Variants in GPC5 observed in about 807,000 individuals in gnomAD.
The protein encoded by GPC5 is glypican-5.
GPC5 carries 47 observed loss-of-function variants against 53.9 expected under a neutral mutation model. That is an observed-to-expected ratio of 0.87 (90% CI 0.69 to 1.11). The LOEUF is 1.11. Ranked by LOEUF, GPC5 falls within the 50% of genes most tolerant of loss-of-function variation. The pLI is 0.00. For synonymous variants in GPC5, 286 were observed against 263.3 expected (o/e 1.09, Z -0.84); for missense variants, 748 against 713.1 (o/e 1.05, Z -0.56).
At chr13:91,431,890 C>T (rs1039694382) in intron 1 of GPC5, among the ~76,000 whole-genome samples, 3 of 152,168 alleles carry the variant, frequency 2.0e-5, no homozygotes, top group Non-Finnish European at 4.4e-5. Context: ...ACTTCATTAC[C>T]AGCAAGGTCT....
At chr13:92,399,104 C>T (rs1019463026) in intron 7 of GPC5, among the ~76,000 whole-genome samples, 9 of 152,218 alleles carry the variant, frequency 5.9e-5, no homozygotes, top group African/African-American at 2.2e-4. Flanking sequence ...TACCCATTCA[C>T]ATTCAATATG....
intron 7 of GPC5, among the ~76,000 whole-genome samples, chr13:92,190,153 C>G (rs2042213368): frequency 6.6e-6 from 1 of 151,962 alleles, no homozygotes; most frequent in South Asian, 2.1e-4. Context: ...AGAAACCATG[C>G]TAGCAAGAAG....
intron 7 of GPC5, among the ~76,000 whole-genome samples, chr13:92,462,493 G>T (rs558851273): frequency 5.9e-5 from 9 of 152,236 alleles, no homozygotes; most frequent in South Asian, 2.1e-4. Context: ...AGAAGCAGGG[G>T]TTTTTCTTGA....
intron 2 of GPC5, chr13:91,486,510 T>C (rs1225604674): frequency 1.3e-5 from 2 of 152,200 alleles, no homozygotes; most frequent in East Asian, 1.9e-4. Flanking sequence ...AGATTTTTTA[T>C]TGTAAGACTA....
intron 7 of GPC5, among the ~76,000 whole-genome samples, chr13:92,808,161 A>G (rs1190490962): frequency 6.6e-6 from 1 of 152,032 alleles, no homozygotes; most frequent in Non-Finnish European, 1.5e-5. Context: ...AAACATTTCT[A>G]GACATGTGCA....
chr13:92,071,521 T>C (rs1168903054), intron 6 of GPC5, among the ~76,000 whole-genome samples: 1 of 152,114 alleles, frequency 6.6e-6, no homozygotes, highest in African/African-American at 2.4e-5. Flanking sequence ...GTTACCCTGG[T>C]TCCTGCATTA....
intron 3 of GPC5, among the ~76,000 whole-genome samples, chr13:91,716,710 G>A (rs979537089): frequency 4.6e-5 from 7 of 152,166 alleles, no homozygotes; most frequent in African/African-American, 7.2e-5. Context: ...ATGAATGTGC[G>A]TGGAATGTTA....
At position 91,469,464 on chromosome 13, in the gene GPC5, A is replaced by G. The variant is rs1004998912; in HGVS notation, c.325+20542A>G. On this transcript the variant is annotated intron_variant, in intron 2 of 7. Transcript: ENST00000377067. ...TTTTGGGTAAAGACAGAGTCTTCCT[A>G]TGATATTGCCCAGGCTGGTCTTGAA... 5.9e-5 allele frequency among the ~76,000 whole-genome samples: 9 copies of G among 151,492 alleles called. 1 individual carries two copies. In the East Asian group the frequency reaches 1.6e-3, roughly 26 times the overall value.
At chr13:92,432,491 G>A (rs1045313402) in intron 7 of GPC5, among the ~76,000 whole-genome samples, 1 of 149,234 alleles carries the variant, frequency 6.7e-6, no homozygotes, top group Non-Finnish European at 1.5e-5. Flanking sequence ...TCAACTCATG[G>A]TCAAGTGATC....
intron 5 of GPC5, among the ~76,000 whole-genome samples, chr13:91,869,533 A>G (rs545366735): frequency 1.3e-5 from 2 of 152,218 alleles, no homozygotes; most frequent in East Asian, 1.9e-4. Context: ...TATTGCTGCT[A>G]TTCTTTGAGT....
In GPC5 at chr13:91,728,604, G is replaced by A; in HGVS notation, c.1093G>A (p.Glu365Lys). The change falls in exon 4 of 8, where the codon GAG becomes AAG. Residue 365 changes from glutamate to lysine, a missense_variant. Physicochemically the swap from Glu to Lys is moderately conservative, Grantham distance 56. Transcript: ENST00000377067. ...SPRCSFDQSK[E>K]KHGMKTTTRN... ...CCGTTGTTCTTTTGATCAGAGCAAA[G>A]AGAAGCATGGAATGAAGACCACCAC... 6.2e-7 allele frequency: 1 copy of A among 1,613,498 alleles called. No homozygotes were observed. Among genetic ancestry groups the A allele is most frequent in the Non-Finnish European group, 8.5e-7 (1 of 1,179,612 alleles).
At chr13:91,708,241 T>C (rs2036150126) in intron 3 of GPC5, among the ~76,000 whole-genome samples, 1 of 152,132 alleles carries the variant, frequency 6.6e-6, no homozygotes, top group Non-Finnish European at 1.5e-5. Flanking sequence ...CTTGGCTATT[T>C]CTGATTGCTT....
chr13:92,173,806 G>C, intron 7 of GPC5, among the ~76,000 whole-genome samples: 1 of 152,224 alleles, frequency 6.6e-6, no homozygotes, highest in East Asian at 1.9e-4. Context: ...AATGTGGAAG[G>C]CAATATTAAG....
chr13:91,443,889 C>T lies in GPC5; in HGVS notation c.164-4872C>T, dbSNP rs139806778. On this transcript the variant is annotated intron_variant, in intron 1 of 7. Coordinates refer to ENST00000377067, the MANE Select transcript of GPC5 (RefSeq NM_004466.6). ...TCTCCGTTTTTCCACACTAAAGATC[C>T]GGATTTTCAAGAATACAGGATGGAA... Among the ~76,000 whole-genome samples, 301 of 152,140 alleles carry T rather than the reference C, an allele frequency of 2.0e-3. 3 individuals are homozygous for T. Among genetic ancestry groups the T allele is most frequent in the African/African-American group, 6.8e-3 (284 of 41,516 alleles).
chr13:91,480,662 T>C (rs1278126362), intron 2 of GPC5, among the ~76,000 whole-genome samples: 1 of 152,202 alleles, frequency 6.6e-6, no homozygotes, highest in Non-Finnish European at 1.5e-5. Context: ...AAACAGGATA[T>C]TTAAGAATTG....
intron 6 of GPC5, among the ~76,000 whole-genome samples, chr13:92,073,338 A>G (rs1476974178): frequency 6.6e-6 from 1 of 152,220 alleles, no homozygotes; most frequent in Non-Finnish European, 1.5e-5. Flanking sequence ...CTAGTTTCTA[A>G]TTGAACCCAA....
At chr13:92,123,665 A>G (rs2041669741) in intron 6 of GPC5, among the ~76,000 whole-genome samples, 2 of 152,322 alleles carry the variant, frequency 1.3e-5, no homozygotes, top group East Asian at 3.9e-4. Flanking sequence ...GCTCCGTCAG[A>G]TTGTAAACAA....
intron 7 of GPC5, among the ~76,000 whole-genome samples, chr13:92,312,343 AC>A (rs1261549357): frequency 6.6e-6 from 1 of 152,168 alleles, no homozygotes; most frequent in African/African-American, 2.4e-5. Flanking sequence ...GGGAAAAAAA[AC>A]AAGTTATAAG....
chr13:92,362,954 G>A (rs967438503), intron 7 of GPC5, among the ~76,000 whole-genome samples: 1 of 151,674 alleles, frequency 6.6e-6, no homozygotes, highest in Non-Finnish European at 1.5e-5. Flanking sequence ...CACAGGACGG[G>A]AAACCTCGTC....
Sources: gnomAD v4.1 joint callset for allele counts (sites outside exome capture counted in the v4.1 genomes callset) on GRCh38, gnomAD v4.1.1 for gene constraint, MANE v1.5 for transcripts, NCBI Gene and HGNC (gene_info 2026-07-23, HGNC 2026-07-21) for gene names.